Variants in TMTC2 observed in about 807,000 individuals in gnomAD.
The protein encoded by TMTC2 is protein O-mannosyl-transferase TMTC2.
TMTC2 carries 43 observed loss-of-function variants against 82.4 expected under a neutral mutation model. That is an observed-to-expected ratio of 0.52 (90% CI 0.41 to 0.67). The LOEUF (loss-of-function observed/expected upper bound fraction) is 0.67. Among genes scored for constraint, TMTC2 ranks in the 30% least tolerant of loss-of-function variants. The pLI is 0.00. For synonymous variants in TMTC2, 408 were observed against 381.9 expected, an observed-to-expected ratio of 1.07 and a Z score of -0.80; for missense variants, 919 against 1,012.4, an observed-to-expected ratio of 0.91 and a Z score of 1.25.
chr12:82,936,257 G>A (rs951234854), intron 4 of TMTC2, among the ~76,000 whole-genome samples: 6 of 151,986 alleles, frequency 3.9e-5, no homozygotes, highest in Admixed American at 2.0e-4. Flanking sequence ...TAAGTCAGGC[G>A]TTTCACAAGT....
At chr12:82,931,732 T>A (rs1876040178) in intron 4 of TMTC2, among the ~76,000 whole-genome samples, 1 of 152,170 alleles carries the variant, frequency 6.6e-6, no homozygotes, top group Non-Finnish European at 1.5e-5. Context: ...TCTATAACAA[T>A]GGGAAAGATG....
chr12:82,997,412 G>GTGTA (rs1213540189), intron 8 of TMTC2, among the ~76,000 whole-genome samples: 15 of 35,262 alleles, frequency 4.3e-4, no homozygotes, highest in African/African-American at 1.0e-3. Context: ...ATATATATGT[G>GTGTA]TATATATATA....
intron 11 of TMTC2, among the ~76,000 whole-genome samples, chr12:83,092,911 T>A (rs1883889620): frequency 6.6e-6 from 1 of 152,202 alleles, no homozygotes. Context: ...AAATAGGTAT[T>A]TGAAAGCGGT....
At chr12:83,082,947 G>T (rs900635609) in intron 11 of TMTC2, among the ~76,000 whole-genome samples, 1 of 152,166 alleles carries the variant, frequency 6.6e-6, no homozygotes, top group Admixed American at 6.5e-5. Context: ...AGCAGTTTAG[G>T]CTCTGGAATC....
intron 8 of TMTC2, among the ~76,000 whole-genome samples, chr12:83,029,356 T>C (rs974786791): frequency 1.3e-4 from 20 of 152,090 alleles, no homozygotes; most frequent in Admixed American, 1.3e-4. Flanking sequence ...CTATCATTAG[T>C]GTTAGTGTAT....
At chr12:82,718,714 A>G (rs562226412) in intron 1 of TMTC2, among the ~76,000 whole-genome samples, 1 of 152,270 alleles carries the variant, frequency 6.6e-6, no homozygotes, top group South Asian at 2.1e-4. Context: ...GGTACTTCTA[A>G]AACATACCCA....
At chr12:82,898,032 A>T (rs756867431) in intron 3 of TMTC2, among the ~76,000 whole-genome samples, 1 of 152,188 alleles carries the variant, frequency 6.6e-6, no homozygotes, top group South Asian at 2.1e-4. Flanking sequence ...ATGAGCACAA[A>T]TTAAGTCAAG....
intron 1 of TMTC2, among the ~76,000 whole-genome samples, chr12:82,764,040 A>G (rs2136984582): frequency 6.6e-6 from 1 of 152,324 alleles, no homozygotes; most frequent in East Asian, 1.9e-4. Context: ...CTCTGGTGCA[A>G]TATTCATTTA....
intron 2 of TMTC2, among the ~76,000 whole-genome samples, chr12:82,873,279 T>C (rs1191874101): frequency 6.7e-6 from 1 of 149,548 alleles, no homozygotes; most frequent in African/African-American, 2.5e-5. Flanking sequence ...GGATCTGTAG[T>C]GAAAAGTTTT....
At chr12:83,063,305 T>G (rs1447133102) in intron 11 of TMTC2, among the ~76,000 whole-genome samples, 2 of 151,808 alleles carry the variant, frequency 1.3e-5, no homozygotes, top group Non-Finnish European at 2.9e-5. Context: ...TTGTTTTTTT[T>G]TTCAGCTTAA....
intron 11 of TMTC2, among the ~76,000 whole-genome samples, chr12:83,116,298 G>GTGTA (rs1555213923): frequency 3.3e-5 from 5 of 151,840 alleles, no homozygotes; most frequent in African/African-American, 1.2e-4. Context: ...GTGTGTGTGT[G>GTGTA]TATATATATA....
intron 1 of TMTC2, among the ~76,000 whole-genome samples, chr12:82,693,788 T>A (rs1345458442): frequency 6.6e-6 from 1 of 151,870 alleles, no homozygotes; most frequent in Non-Finnish European, 1.5e-5. Context: ...GCCAACGTGG[T>A]GAAACCTCGT....
At chr12:82,890,806 C>A (rs1289094945) in intron 2 of TMTC2, among the ~76,000 whole-genome samples, 2 of 152,126 alleles carry the variant, frequency 1.3e-5, no homozygotes, top group African/African-American at 4.8e-5. Context: ...ATGAGAAGTT[C>A]ATATCCAGCG....
At chr12:83,011,322 T>C (rs1274993698) in intron 8 of TMTC2, among the ~76,000 whole-genome samples, 1 of 152,214 alleles carries the variant, frequency 6.6e-6, no homozygotes, top group Non-Finnish European at 1.5e-5. Context: ...GCAAGTTATT[T>C]AACTTCTCTT....
At chr12:82,847,187 A>G (rs1049323936) in intron 1 of TMTC2, among the ~76,000 whole-genome samples, 3 of 152,192 alleles carry the variant, frequency 2.0e-5, no homozygotes, top group Non-Finnish European at 4.4e-5. Flanking sequence ...GAGGTACTCT[A>G]ATGAAGGGAT....
At chr12:83,091,241 G>A (rs374678699) in intron 11 of TMTC2, among the ~76,000 whole-genome samples, 4 of 152,042 alleles carry the variant, frequency 2.6e-5, no homozygotes, top group South Asian at 4.2e-4. Context: ...AGATGATTTC[G>A]AAGAAGAAAA....
At chr12:82,808,110 A>G (rs1312293386) in intron 1 of TMTC2, among the ~76,000 whole-genome samples, 1 of 151,974 alleles carries the variant, frequency 6.6e-6, no homozygotes, top group Non-Finnish European at 1.5e-5. Flanking sequence ...TTTAAAAAAC[A>G]GTGGCTGCAT....
At chr12:82,770,710 C>T (rs1443100033) in intron 1 of TMTC2, among the ~76,000 whole-genome samples, 1 of 152,128 alleles carries the variant, frequency 6.6e-6, no homozygotes, top group East Asian at 1.9e-4. Flanking sequence ...CAGACAGGAA[C>T]TTCTGGGCTC....
In TMTC2 at chr12:82,896,308, C is replaced by T; in HGVS notation, c.1145C>T (p.Ser382Leu). 1.2e-6 allele frequency: 2 copies of T among 1,614,146 alleles called. No homozygotes were observed. The highest frequency in any genetic ancestry group is 1.7e-6 in the Non-Finnish European group (2 of 1,180,050). The change falls in exon 3 of 12, where the codon TCA becomes TTA. Residue 382 changes from serine to leucine, a missense_variant. Ser to Leu is a moderately radical substitution (Grantham distance 145). Coordinates refer to ENST00000321196, the MANE Select transcript of TMTC2 (RefSeq NM_152588.3). Reference sequence around the variant, plus strand: ...GAAAATGGCATTAAAAACGATGTATCACAGAGAACCCAGCTTCCTTCTACG... The same window carrying T: ...GAAAATGGCATTAAAAACGATGTATTACAGAGAACCCAGCTTCCTTCTACG... ...KVENGIKNDV[S>L]QRTQLPSTEN...
Sources: gnomAD v4.1 joint callset for allele counts (sites outside exome capture counted in the v4.1 genomes callset) on GRCh38, gnomAD v4.1.1 for gene constraint, MANE v1.5 for transcripts, NCBI Gene and HGNC (gene_info 2026-07-23, HGNC 2026-07-21) for gene names.